PAK2: variants seen among roughly 807,000 people sequenced by gnomAD.
PAK2 encodes serine/threonine-protein kinase PAK 2.
In PAK2, 21 loss-of-function variants were observed where a neutral mutation model predicts 65.9. The ratio of observed to expected loss-of-function variants is 0.32; its 90% CI spans 0.23 to 0.46. PAK2 has a LOEUF of 0.46. Ranked by LOEUF, PAK2 falls within the 20% of genes least tolerant of loss-of-function variation. PAK2 has a pLI of 1.00. For synonymous variants in PAK2, 204 were observed against 219.7 expected (o/e 0.93, Z 0.63); for missense variants, 324 against 642.6 (o/e 0.50, Z 5.36).
chr3:196,775,003 T>C lies in PAK2; in HGVS notation c.-21-7623T>C, dbSNP rs529194615. ...GAGACTGAGAGAAATCCAGAGATGA[T>C]GTGGTAAATCCCCAGCTAAGCAGCT... is the stretch of plus-strand genomic sequence containing the variant. On this transcript the variant is annotated intron_variant, in intron 1 of 14. Coordinates refer to ENST00000327134, the MANE Select transcript of PAK2 (RefSeq NM_002577.4). Among the ~76,000 whole-genome samples the C allele has an allele frequency of 3.3e-5, 5 of 152,296 alleles. No individual in the cohort carries two copies. In the South Asian group the frequency reaches 1.0e-3, roughly 32 times the overall value.
intron 1 of PAK2, among the ~76,000 whole-genome samples, chr3:196,741,779 G>A (rs1713199317): frequency 6.6e-6 from 1 of 152,132 alleles, no homozygotes; most frequent in South Asian, 2.1e-4. Context: ...TTGGCCTGAG[G>A]GATTAAGGTG....
At chr3:196,767,490 T>G (rs1184242114) in intron 1 of PAK2, among the ~76,000 whole-genome samples, 1 of 152,068 alleles carries the variant, frequency 6.6e-6, no homozygotes, top group Non-Finnish European at 1.5e-5. Flanking sequence ...GTTTTTTGTT[T>G]GTTTGTTTGT....
At chr3:196,759,489 G>GTTTTTTTTGTTTTTTT (rs1713878208) in intron 1 of PAK2, among the ~76,000 whole-genome samples, 8 of 98,854 alleles carry the variant, frequency 8.1e-5, no homozygotes, top group African/African-American at 1.7e-4. Context: ...CAGTTAAGTG[G>GTTTTTTTTGTTTTTTT]TTTTTTTTGT....
intron 1 of PAK2, among the ~76,000 whole-genome samples, chr3:196,779,726 A>C (rs1290593048): frequency 6.6e-6 from 1 of 152,202 alleles, no homozygotes; most frequent in Non-Finnish European, 1.5e-5. Flanking sequence ...ACGCTGGAGT[A>C]CAATGGCATG....
At chr3:196,808,024 T>C (rs1001946439) in intron 7 of PAK2, 110 bp downstream of exon 7, 1 of 1,057,128 alleles carries the variant, frequency 9.5e-7, no homozygotes, top group Non-Finnish European at 1.4e-6. Flanking sequence ...GTATAAAGAA[T>C]AAATTGTTTC....
chr3:196,756,758 C>T (rs890716980), intron 1 of PAK2, among the ~76,000 whole-genome samples: 4 of 152,156 alleles, frequency 2.6e-5, no homozygotes, highest in Admixed American at 6.6e-5. Flanking sequence ...ATCGCTTGAA[C>T]CCGGGAGGAG....
intron 1 of PAK2, among the ~76,000 whole-genome samples, chr3:196,769,395 A>C (rs1051065140): frequency 1.3e-5 from 2 of 152,016 alleles, no homozygotes. Context: ...TGAAATATAC[A>C]TAACATAAAA....
At chr3:196,751,561 C>G in intron 1 of PAK2, among the ~76,000 whole-genome samples, 1 of 149,408 alleles carries the variant, frequency 6.7e-6, no homozygotes, top group Admixed American at 6.7e-5. Flanking sequence ...GCATGAGAAT[C>G]TCTTGAGCCC....
At chr3:196,774,542 A>G (rs2089979) in intron 1 of PAK2, among the ~76,000 whole-genome samples, 49,422 of 152,076 alleles carry the variant, frequency 0.32, 8,719 homozygotes, top group Non-Finnish European at 0.4. Context: ...AAGAAAAGCT[A>G]AGAATGCAGA....
At chr3:196,776,252 C>G (rs181185268) in intron 1 of PAK2, among the ~76,000 whole-genome samples, 1 of 152,244 alleles carries the variant, frequency 6.6e-6, no homozygotes, top group South Asian at 2.1e-4. Flanking sequence ...GCCAGTTTCA[C>G]GTAATAATAT....
chr3:196,795,551 A>G (rs1577727420), intron 2 of PAK2, among the ~76,000 whole-genome samples: 1 of 152,254 alleles, frequency 6.6e-6, no homozygotes, highest in Non-Finnish European at 1.5e-5. Context: ...GACTCATTAT[A>G]TATATAGGAC....
At chr3:196,744,283 AT>A (rs1713299076) in intron 1 of PAK2, among the ~76,000 whole-genome samples, 1 of 152,220 alleles carries the variant, frequency 6.6e-6, no homozygotes, top group Non-Finnish European at 1.5e-5. Context: ...TTAAGACAAA[AT>A]TACCTTAGTC....
intron 1 of PAK2, among the ~76,000 whole-genome samples, chr3:196,756,255 C>T (rs2108715243): frequency 6.6e-6 from 1 of 152,270 alleles, no homozygotes; most frequent in African/African-American, 2.4e-5. Flanking sequence ...ATTTGAATTA[C>T]AAAATGCCTT....
chr3:196,752,300 C>G (rs1223378853), intron 1 of PAK2, among the ~76,000 whole-genome samples: 1 of 151,852 alleles, frequency 6.6e-6, no homozygotes, highest in Non-Finnish European at 1.5e-5. Flanking sequence ...ATTTGGTTTG[C>G]TTTTATCTCA....
rs1477746952 is a variant in PAK2, at chr3:196,820,739, G to C, written c.1350+172G>C. ...TTTGCTCTCTGAGTTACAAATTAAT[G>C]TGTTAGGTGAAGACTTTGTAGGTTT... On this transcript the variant is annotated intron_variant, in intron 13 of 14. Coordinates refer to ENST00000327134, the MANE Select transcript of PAK2 (RefSeq NM_002577.4). The surrounding 1 kb of genome is among the most constrained non-coding windows in gnomAD (Gnocchi z 4.6). 6.6e-6 allele frequency among the ~76,000 whole-genome samples: 1 copy of C among 152,228 alleles called. No homozygotes were observed. The highest frequency in any genetic ancestry group is 6.5e-5 in the Admixed American group (1 of 15,272).
intron 1 of PAK2, among the ~76,000 whole-genome samples, chr3:196,746,186 A>G (rs1577692359): frequency 6.6e-6 from 1 of 152,050 alleles, no homozygotes; most frequent in South Asian, 2.1e-4. Context: ...TAAACAAGAG[A>G]CGTGTCGTTG....
intron 1 of PAK2, among the ~76,000 whole-genome samples, chr3:196,765,568 A>G (rs2686590): frequency 2.0e-5 from 3 of 151,972 alleles, no homozygotes; most frequent in East Asian, 1.9e-4. Flanking sequence ...TTTTTTGCCA[A>G]TGTAGAAGGT....
intron 1 of PAK2, among the ~76,000 whole-genome samples, chr3:196,750,327 G>A (rs531077328): frequency 2.5e-3 from 373 of 151,646 alleles, no homozygotes; most frequent in Non-Finnish European, 4.2e-3. Context: ...TTGTAGAGAC[G>A]GTTCACTCTG....
chr3:196,802,015 T>C lies in PAK2; in HGVS notation c.276T>C (p.Thr92=). The C allele has an allele frequency of 6.4e-7, 1 of 1,569,198 alleles. No homozygotes were observed. The highest frequency in any genetic ancestry group is 1.3e-5 in the African/African-American group (1 of 74,134). The part of the protein sequence containing the change: ...HTIHVGFDAV[T]GEFTGMPEQW... Reference sequence around the variant, plus strand: ...TCCATGTTGGCTTTGATGCTGTTACTGGAGAATTCACTGTAAGTTAACCTA... The same window carrying C: ...TCCATGTTGGCTTTGATGCTGTTACCGGAGAATTCACTGTAAGTTAACCTA... The change falls in exon 3 of 15, where the codon ACT becomes ACC. Residue 92 remains threonine, a synonymous_variant. Coordinates refer to ENST00000327134, the MANE Select transcript of PAK2 (RefSeq NM_002577.4).
Sources: allele counts gnomAD v4.1 joint callset (sites outside exome capture counted in the v4.1 genomes callset), GRCh38; gene constraint gnomAD v4.1.1; non-coding constraint Gnocchi (gnomAD v3.1); transcripts MANE v1.5; gene names NCBI Gene and HGNC (gene_info 2026-07-23, HGNC 2026-07-21).